PTPRD: variants seen among roughly 807,000 people sequenced by gnomAD.
PTPRD encodes receptor-type tyrosine-protein phosphatase delta.
PTPRD carries 34 observed loss-of-function variants against 214.5 expected under a neutral mutation model. That is an observed-to-expected ratio of 0.16 (90% confidence interval 0.12 to 0.21). PTPRD has a LOEUF of 0.21. PTPRD is among the 10% of genes least tolerant of loss of function. The pLI is 1.00. For synonymous variants in PTPRD, 1,128 were observed against 845.7 expected (o/e 1.33, Z -5.79); for missense variants, 2,545 against 2,398.7 (o/e 1.06, Z -1.27).
chr9:10,155,597 CTTA>C (rs1481942686), intron 3 of PTPRD, among the ~76,000 whole-genome samples: 3 of 152,032 alleles, frequency 2.0e-5, no homozygotes, highest in Non-Finnish European at 4.4e-5. Flanking sequence ...TCATAAACGA[CTTA>C]TTATTTTGAG....
At chr9:9,056,031 C>G (rs2099695556) in intron 10 of PTPRD, among the ~76,000 whole-genome samples, 2 of 151,932 alleles carry the variant, frequency 1.3e-5, no homozygotes, top group Non-Finnish European at 2.9e-5. Flanking sequence ...GCAGAATATA[C>G]TAGAGTAGTT....
Position 9,443,792 on chromosome 9 carries a change from G to A in PTPRD, c.-236-46310C>T, listed in dbSNP as rs1020146001. Reference sequence around the variant, plus strand: ...ATAGAAGTGCCAAGCTGACCCTCTGGAGGTCCTGGTCCTCAGTATCAGTAA... The same window carrying A: ...ATAGAAGTGCCAAGCTGACCCTCTGAAGGTCCTGGTCCTCAGTATCAGTAA... On this transcript the variant is annotated intron_variant, in intron 8 of 45. Transcript: ENST00000381196. Among the ~76,000 whole-genome samples the A allele has an allele frequency of 1.3e-4, 20 of 152,104 alleles. 1 individual carries two copies.
chr9:9,238,941 G>A (rs1483131755), intron 9 of PTPRD, among the ~76,000 whole-genome samples: 1 of 152,012 alleles, frequency 6.6e-6, no homozygotes, highest in Admixed American at 6.6e-5. Flanking sequence ...ATTCCAAGTG[G>A]TCTTTGGAAA....
intron 9 of PTPRD, among the ~76,000 whole-genome samples, chr9:9,237,721 C>A (rs960581051): frequency 6.6e-6 from 1 of 152,086 alleles, no homozygotes; most frequent in African/African-American, 2.4e-5. Flanking sequence ...CCTCTCTCTT[C>A]TGTCTATTTG....
intron 8 of PTPRD, among the ~76,000 whole-genome samples, chr9:9,463,043 A>G (rs2093806587): frequency 6.7e-6 from 1 of 150,340 alleles, no homozygotes; most frequent in Non-Finnish European, 1.5e-5. Context: ...AAGAGACTAA[A>G]TAGGAACAAA....
rs533480981 is a variant in PTPRD, at chr9:10,050,738, T to A, written c.-544-16948A>T. Among the ~76,000 whole-genome samples, 25 of 152,118 alleles carry A rather than the reference T, an allele frequency of 1.6e-4. No individual in the cohort carries two copies. In the South Asian group the frequency reaches 4.1e-3, roughly 25 times the overall value. On this transcript the variant is annotated intron_variant, in intron 3 of 45. Transcript: ENST00000381196. ...AATAAGACAAATATCCATGGAACTC[T>A]CCCAAATGTATATCCTTACCTTATT...
At chr9:9,441,232 G>T (rs917279240) in intron 8 of PTPRD, among the ~76,000 whole-genome samples, 1 of 152,126 alleles carries the variant, frequency 6.6e-6, no homozygotes, top group Non-Finnish European at 1.5e-5. Context: ...TCCTCGAAGC[G>T]GTGTGGGAGG....
chr9:10,208,749 T>C (rs550415707), intron 3 of PTPRD, among the ~76,000 whole-genome samples: 29 of 152,234 alleles, frequency 1.9e-4, no homozygotes, highest in African/African-American at 6.7e-4. Flanking sequence ...TTGCTAGAAA[T>C]AAGTAGAAAA....
chr9:10,287,896 C>T (rs892467988), intron 3 of PTPRD, among the ~76,000 whole-genome samples: 1 of 151,986 alleles, frequency 6.6e-6, no homozygotes, highest in South Asian at 2.1e-4. Context: ...AGGGGGTTTT[C>T]TCTCCTAAGA....
intron 4 of PTPRD, among the ~76,000 whole-genome samples, chr9:9,961,452 A>G (rs1418384031): frequency 2.0e-5 from 3 of 152,202 alleles, no homozygotes; most frequent in African/African-American, 7.2e-5. Context: ...ATTTAATATG[A>G]TAAAGTCGGC....
At chr9:9,014,314 G>A (rs1273057971) in intron 11 of PTPRD, among the ~76,000 whole-genome samples, 1 of 151,140 alleles carries the variant, frequency 6.6e-6, no homozygotes, top group African/African-American at 2.4e-5. Context: ...ATGTGCTTAT[G>A]TTGTGTAAAT....
intron 9 of PTPRD, among the ~76,000 whole-genome samples, chr9:9,343,713 G>A (rs1336393228): frequency 6.6e-6 from 1 of 151,914 alleles, no homozygotes; most frequent in Non-Finnish European, 1.5e-5. Context: ...ATCACAAACA[G>A]GAGGGAACCC....
At chr9:9,761,123 G>T (rs891406967) in intron 6 of PTPRD, among the ~76,000 whole-genome samples, 2 of 152,168 alleles carry the variant, frequency 1.3e-5, no homozygotes, top group Non-Finnish European at 2.9e-5. Context: ...TAGTGTAACA[G>T]ACAAAAACTG....
At chr9:9,561,260 C>T (rs142501367) in intron 8 of PTPRD, among the ~76,000 whole-genome samples, 141 of 152,238 alleles carry the variant, frequency 9.3e-4, no homozygotes, top group African/African-American at 3.3e-3. Flanking sequence ...ATGTTCCTTA[C>T]ACCACGTTTC....
intron 10 of PTPRD, among the ~76,000 whole-genome samples, chr9:9,090,282 C>G (rs1046227411): frequency 2.0e-5 from 3 of 152,098 alleles, no homozygotes; most frequent in Non-Finnish European, 2.9e-5. Context: ...ACTTTTTTAG[C>G]CCCCACATAT....
intron 2 of PTPRD, among the ~76,000 whole-genome samples, chr9:10,415,480 G>C (rs1379310808): frequency 6.6e-6 from 1 of 151,822 alleles, no homozygotes; most frequent in Non-Finnish European, 1.5e-5. Flanking sequence ...AATCAAACTA[G>C]TATTAAGAAA....
At chr9:9,625,121 C>T (rs1276405470) in intron 7 of PTPRD, among the ~76,000 whole-genome samples, 1 of 152,132 alleles carries the variant, frequency 6.6e-6, no homozygotes. Flanking sequence ...TTAAAGTCCA[C>T]AGTAGTTCTT....
intron 8 of PTPRD, among the ~76,000 whole-genome samples, chr9:9,426,629 C>T (rs996313968): frequency 1.1e-4 from 17 of 152,294 alleles, no homozygotes; most frequent in Middle Eastern, 3.4e-3. Flanking sequence ...CCCTGACCCC[C>T]GAGTCGCCTA....
chr9:8,359,533 T>G (rs1490535264), intron 39 of PTPRD, among the ~76,000 whole-genome samples: 1 of 152,106 alleles, frequency 6.6e-6, no homozygotes, highest in Non-Finnish European at 1.5e-5. Context: ...AGGGTTTCAC[T>G]GTATTGCCCA....
Sources: gnomAD v4.1 joint callset for allele counts (sites outside exome capture counted in the v4.1 genomes callset) on GRCh38, gnomAD v4.1.1 for gene constraint, MANE v1.5 for transcripts, NCBI Gene and HGNC (gene_info 2026-07-23, HGNC 2026-07-21) for gene names.